The following FMN2 variants were observed in gnomAD, a reference collection of about 807,000 sequenced individuals.
FMN2 encodes formin-2.
FMN2 carries 51 observed loss-of-function variants against 142.3 expected under a neutral mutation model. The ratio of observed to expected loss-of-function variants is 0.36; its 90% CI spans 0.29 to 0.45. The LOEUF (loss-of-function observed/expected upper bound fraction) is 0.45. FMN2 is among the 20% of genes least tolerant of loss of function. FMN2 has a pLI of 1.00. For missense variants in FMN2, 1,936 were observed against 2,122.8 expected, an observed-to-expected ratio of 0.91 and a Z score of 1.73; for synonymous variants, 882 against 869.8, an observed-to-expected ratio of 1.01 and a Z score of -0.25.
intron 15 of FMN2, among the ~76,000 whole-genome samples, chr1:240,434,558 T>TTTG (rs771941057): frequency 7.9e-5 from 12 of 151,432 alleles, no homozygotes; most frequent in Non-Finnish European, 1.6e-4. Context: ...GTTTTTTGTT[T>TTTG]TTTTTTGTTT....
chr1:240,195,205 C>T (rs1469958265), intron 4 of FMN2, among the ~76,000 whole-genome samples: 1 of 152,178 alleles, frequency 6.6e-6, no homozygotes, highest in East Asian at 1.9e-4. Context: ...CAAACACGCT[C>T]CAAGTGGCAA....
intron 4 of FMN2, among the ~76,000 whole-genome samples, chr1:240,190,099 CATT>C (rs1162427234): frequency 1.3e-5 from 2 of 152,054 alleles, no homozygotes; most frequent in Middle Eastern, 3.2e-3. Context: ...ATGTGTGTAA[CATT>C]ATAGTGTTTT....
chr1:240,449,677 G>A (rs1332896751), intron 16 of FMN2, among the ~76,000 whole-genome samples: 1 of 152,174 alleles, frequency 6.6e-6, no homozygotes, highest in Non-Finnish European at 1.5e-5. Context: ...TCTTCGGTTT[G>A]TGTGAAAAGC....
intron 14 of FMN2, among the ~76,000 whole-genome samples, chr1:240,360,732 C>T (rs930728402): frequency 6.6e-6 from 1 of 152,028 alleles, no homozygotes; most frequent in Non-Finnish European, 1.5e-5. Context: ...AAATGTCCAA[C>T]AATGATAGAC....
At chr1:240,228,597 G>T (rs953481559) in intron 6 of FMN2, among the ~76,000 whole-genome samples, 1 of 151,914 alleles carries the variant, frequency 6.6e-6, no homozygotes, top group Non-Finnish European at 1.5e-5. Context: ...AATGAAAAAA[G>T]GTGCAGCCAT....
intron 2 of FMN2, among the ~76,000 whole-genome samples, chr1:240,155,914 T>C (rs1488923593): frequency 6.6e-6 from 1 of 150,462 alleles, no homozygotes; most frequent in South Asian, 2.1e-4. Flanking sequence ...TTTTTAATAA[T>C]GACTAAAACT....
In FMN2 at chr1:240,215,572, A is replaced by G. The variant is rs538217998; in HGVS notation, c.4065+4337A>G. On this transcript the variant is annotated intron_variant, in intron 6 of 17. Coordinates refer to ENST00000319653, the MANE Select transcript of FMN2 (RefSeq NM_020066.5). Reference sequence around the variant, plus strand: ...ATGGAGACCAGAATATATACTTTTAAAAATGAATTAAATACTTTAAAAAAA... The same window carrying G: ...ATGGAGACCAGAATATATACTTTTAGAAATGAATTAAATACTTTAAAAAAA... 7.9e-5 allele frequency among the ~76,000 whole-genome samples: 12 copies of G among 152,360 alleles called. No homozygotes were observed. In the South Asian group the frequency reaches 2.5e-3, roughly 32 times the overall value.
chr1:240,296,830 G>C (rs1670005960), intron 8 of FMN2, among the ~76,000 whole-genome samples: 1 of 152,182 alleles, frequency 6.6e-6, no homozygotes, highest in African/African-American at 2.4e-5. Context: ...CAGTGAAACT[G>C]AGTCAGAAAC....
intron 13 of FMN2, among the ~76,000 whole-genome samples, chr1:240,342,003 A>C (rs1671760770): frequency 2.0e-5 from 3 of 152,086 alleles, no homozygotes; most frequent in Non-Finnish European, 4.4e-5. Context: ...CAGTAGAGAG[A>C]CTGGTTCCTT....
intron 14 of FMN2, among the ~76,000 whole-genome samples, chr1:240,365,386 C>T (rs746510473): frequency 2.0e-5 from 3 of 151,572 alleles, no homozygotes; most frequent in Non-Finnish European, 4.4e-5. Flanking sequence ...TGTCTTTCTG[C>T]CTTTTGCCTT....
At chr1:240,408,715 A>T (rs1385065435) in intron 15 of FMN2, among the ~76,000 whole-genome samples, 1 of 152,152 alleles carries the variant, frequency 6.6e-6, no homozygotes, top group African/African-American at 2.4e-5. Context: ...TTAATATTCA[A>T]TCTATGAATC....
At chr1:240,324,313 A>C (rs1671078083) in intron 8 of FMN2, among the ~76,000 whole-genome samples, 1 of 152,178 alleles carries the variant, frequency 6.6e-6, no homozygotes, top group Admixed American at 6.5e-5. Flanking sequence ...CATTATTTGA[A>C]AATTGGCACT....
At chr1:240,152,535 C>T (rs191756566) in intron 2 of FMN2, among the ~76,000 whole-genome samples, 20 of 152,170 alleles carry the variant, frequency 1.3e-4, no homozygotes, top group South Asian at 4.2e-4. Context: ...TAGCATCATG[C>T]GGTAGACTCA....
intron 1 of FMN2, among the ~76,000 whole-genome samples, chr1:240,111,150 GGA>G (rs1387710567): frequency 6.6e-6 from 1 of 152,078 alleles, no homozygotes; most frequent in African/African-American, 2.4e-5. Context: ...AGTAATCCTC[GGA>G]GGTAATGAGG....
At position 240,093,275 on chromosome 1, in the gene FMN2, CT is replaced by C; in HGVS notation, c.1167del (p.Asp390ThrfsTer62). The C allele has an allele frequency of 6.2e-7, 1 of 1,604,350 alleles. No homozygotes were observed. Among genetic ancestry groups the C allele is most frequent in the Non-Finnish European group, 8.5e-7 (1 of 1,175,370 alleles). ...GAGCCGGAGGAGGAGGCGCAAGGAC[CT>C]GACGCCCCCGCGGCCGCTTCCCTGC... ...GEEPEEEAQG[P>X]DAPAAASLPG... On this transcript the variant is annotated frameshift_variant, in exon 1 of 18. Transcript: ENST00000319653. LOFTEE classifies it high-confidence loss of function.
intron 4 of FMN2, among the ~76,000 whole-genome samples, chr1:240,193,766 G>A (rs796616642): frequency 3.3e-5 from 5 of 152,344 alleles, no homozygotes; most frequent in African/African-American, 1.2e-4. Flanking sequence ...TTCTCCCGAT[G>A]GGTCTCTCTG....
chr1:240,149,036 G>A (rs1193938781), intron 2 of FMN2, among the ~76,000 whole-genome samples: 2 of 152,006 alleles, frequency 1.3e-5, no homozygotes, highest in Admixed American at 1.3e-4. Flanking sequence ...AATATATACT[G>A]TACTCATAAG....
In FMN2 at chr1:240,252,589, C is replaced by T. The variant is rs114760422; in HGVS notation, c.4066-5356C>T. ...CTCTTTGAATATATCATTCAGTTCT[C>T]TCCTGGCCAGTAAGGTTTTTGCTGA... is the stretch of plus-strand genomic sequence containing the variant. On this transcript the variant is annotated intron_variant, in intron 6 of 17. Coordinates refer to ENST00000319653, the MANE Select transcript of FMN2 (RefSeq NM_020066.5). Among the ~76,000 whole-genome samples, 459 of 149,488 alleles carry T rather than the reference C, an allele frequency of 3.1e-3. 4 individuals carry two copies. The highest frequency in any genetic ancestry group is 0.011 in the African/African-American group (440 of 40,592).
At chr1:240,252,635 C>T (rs911994055) in intron 6 of FMN2, among the ~76,000 whole-genome samples, 10 of 148,076 alleles carry the variant, frequency 6.8e-5, no homozygotes, top group East Asian at 2.0e-4. Flanking sequence ...GTTATTCTGA[C>T]GGGGGGGGTG....
Sources: gnomAD v4.1 joint callset for allele counts (sites outside exome capture counted in the v4.1 genomes callset) on GRCh38, gnomAD v4.1.1 for gene constraint, MANE v1.5 for transcripts, NCBI Gene and HGNC (gene_info 2026-07-23, HGNC 2026-07-21) for gene names.